The following FAM222B variants were observed in gnomAD, a reference collection of about 807,000 sequenced individuals.
The protein encoded by FAM222B is protein FAM222B.
A neutral mutation model predicts 38.0 loss-of-function variants in FAM222B; 12 were observed. The ratio of observed to expected loss-of-function variants is 0.32; its 90% CI spans 0.20 to 0.51. FAM222B has a LOEUF of 0.51. Among genes scored for constraint, FAM222B ranks in the 20% least tolerant of loss-of-function variants. The pLI, the probability that FAM222B is intolerant of heterozygous loss-of-function variation, is 0.97. For missense variants in FAM222B, 716 were observed against 754.2 expected (o/e 0.95, Z 0.59); for synonymous variants, 329 against 317.2 (o/e 1.04, Z -0.40).
intron 1 of FAM222B, among the ~76,000 whole-genome samples, chr17:28,811,059 C>CA (rs61081382): frequency 2.9e-4 from 43 of 147,768 alleles, no homozygotes; most frequent in South Asian, 1.1e-3. Context: ...AAAGTGTTGC[C>CA]AAAAAAAAAA....
chr17:28,837,440 AAAAT>A (rs890544799), intron 1 of FAM222B, among the ~76,000 whole-genome samples: 4 of 150,996 alleles, frequency 2.6e-5, no homozygotes. Context: ...AAAAAAAAAA[AAAAT>A]AAATAAATAA....
intron 1 of FAM222B, among the ~76,000 whole-genome samples, chr17:28,832,005 C>T (rs1032538228): frequency 6.6e-6 from 1 of 151,958 alleles, no homozygotes; most frequent in Non-Finnish European, 1.5e-5. Context: ...CTGGCTAACA[C>T]GGTGAAACCC....
chr17:28,845,993 G>A (rs953607201), upstream of FAM222B, among the ~76,000 whole-genome samples: 9 of 150,682 alleles, frequency 6.0e-5, no homozygotes, highest in African/African-American at 1.7e-4. Context: ...CACGAGGTCA[G>A]GAGATCGAGA....
intron 1 of FAM222B, among the ~76,000 whole-genome samples, chr17:28,820,244 C>T (rs1362809904): frequency 1.3e-5 from 2 of 152,168 alleles, no homozygotes; most frequent in Non-Finnish European, 2.9e-5. Context: ...GTTAATGTCA[C>T]TTAAAAGGCT....
chr17:28,844,783 G>A (rs747768619), upstream of FAM222B, among the ~76,000 whole-genome samples: 4 of 152,036 alleles, frequency 2.6e-5, no homozygotes, highest in Admixed American at 2.6e-4. Context: ...GGGCAACATA[G>A]GGAGACTCAT....
intron 1 of FAM222B, among the ~76,000 whole-genome samples, chr17:28,792,354 G>C (rs950528915): frequency 6.7e-6 from 1 of 150,156 alleles, no homozygotes; most frequent in Non-Finnish European, 1.5e-5. Flanking sequence ...GGTGGTGTGT[G>C]CCTGCAGTCC....
chr17:28,805,021 G>A (rs2037414479), intron 1 of FAM222B, among the ~76,000 whole-genome samples: 2 of 151,508 alleles, frequency 1.3e-5, no homozygotes, highest in South Asian at 4.2e-4. Flanking sequence ...ACTCTGGTCT[G>A]GGCGACAGAG....
At chr17:28,833,634 A>T (rs1015129660) in intron 1 of FAM222B, among the ~76,000 whole-genome samples, 1 of 147,288 alleles carries the variant, frequency 6.8e-6, no homozygotes, top group Non-Finnish European at 1.5e-5. Flanking sequence ...AAAAAAAAAG[A>T]AGTTCACAGA....
chr17:28,780,901 A>G (rs1282311517), intron 1 of FAM222B, among the ~76,000 whole-genome samples: 2 of 152,022 alleles, frequency 1.3e-5, no homozygotes, highest in African/African-American at 4.8e-5. Context: ...AACCCAAAGA[A>G]ACAAAAACAG....
At chr17:28,841,181 G>C (rs2039024882) in intron 1 of FAM222B, among the ~76,000 whole-genome samples, 1 of 151,688 alleles carries the variant, frequency 6.6e-6, no homozygotes, top group South Asian at 2.1e-4. Flanking sequence ...TGTAATCCCA[G>C]CTACTCAGGA....
upstream of FAM222B, among the ~76,000 whole-genome samples, chr17:28,847,526 G>A (rs773437046): frequency 6.6e-6 from 1 of 151,310 alleles, no homozygotes; most frequent in African/African-American, 2.4e-5. Context: ...TCTGGGAAGT[G>A]GAGGTTGCAG....
Position 28,756,364 on chromosome 17 carries a change from T to G in FAM222B, c.*1906A>C, listed in dbSNP as rs1350764649. On this transcript the variant is annotated 3_prime_UTR_variant, in exon 3 of 3. Transcript: ENST00000581407. ...ACACAGGAAGAGATGGGTTTGAGGT[T>G]GTTTGACTTAAAGCCCCCAAGTTGG... is the stretch of plus-strand genomic sequence containing the variant. 1.3e-5 allele frequency: 2 copies of G among 152,498 alleles called. No homozygotes were observed. The highest frequency in any genetic ancestry group is 2.9e-5 in the Non-Finnish European group (2 of 68,060). The allele number at this position is 152,498 out of a possible 1,614,324, so 9.4% of individuals were successfully genotyped here. A position where few individuals can be genotyped will look rare whatever the true frequency, so the allele number is the denominator to read the frequency against.
At chr17:28,765,370 C>T in intron 2 of FAM222B, among the ~76,000 whole-genome samples, 1 of 152,154 alleles carries the variant, frequency 6.6e-6, no homozygotes, top group Non-Finnish European at 1.5e-5. Flanking sequence ...TCTGTGGCTG[C>T]CGTTGCCCTA....
chr17:28,806,053 G>A (rs1489301479), intron 1 of FAM222B, among the ~76,000 whole-genome samples: 2 of 152,008 alleles, frequency 1.3e-5, no homozygotes, highest in African/African-American at 2.4e-5. Flanking sequence ...TTGGGAGGCT[G>A]AGACAGGAGA....
intron 1 of FAM222B, among the ~76,000 whole-genome samples, chr17:28,824,717 A>T (rs550920977): frequency 1.3e-5 from 2 of 152,146 alleles, no homozygotes; most frequent in African/African-American, 2.4e-5. Flanking sequence ...CCAAGTTACC[A>T]TAAAGTCTCA....
At chr17:28,842,295 C>A (rs1221939711) in intron 1 of FAM222B, among the ~76,000 whole-genome samples, 1 of 152,112 alleles carries the variant, frequency 6.6e-6, no homozygotes, top group Non-Finnish European at 1.5e-5. Flanking sequence ...GCCTATTACT[C>A]CGGGAGACCG....
upstream of FAM222B, among the ~76,000 whole-genome samples, chr17:28,846,949 C>A (rs1480974196): frequency 6.6e-6 from 1 of 151,838 alleles, no homozygotes; most frequent in East Asian, 1.9e-4. Flanking sequence ...TAGCGCTGGG[C>A]GTGGTGGCTG....
rs1306897317 is a variant in FAM222B, at chr17:28,759,741, T to C, written c.218A>G (p.His73Arg). ...PNSVKVPQRK[H>R]VRRTVNGLDT... ...GAGGCCGTTCACAGTACGACGAACG[T>C]GTTTCCGCTGGGGAACCTTCACACT... Residue 73 changes from histidine to arginine, a missense_variant, in exon 3 of 3, where the codon CAC (histidine) becomes CGC (arginine). Transcript: ENST00000581407. This position sits in a 1 kb window ranked among gnomAD's most constrained non-coding sequence, Gnocchi z 4.8. 1.2e-6 allele frequency: 2 copies of C among 1,613,682 alleles called. No homozygotes were observed. Among genetic ancestry groups the C allele is most frequent in the Admixed American group, 1.7e-5 (1 of 59,970 alleles).
At chr17:28,837,016 G>A (rs924753345) in intron 1 of FAM222B, among the ~76,000 whole-genome samples, 2 of 152,142 alleles carry the variant, frequency 1.3e-5, no homozygotes, top group African/African-American at 4.8e-5. Flanking sequence ...TACTCAGGAG[G>A]ATAAGGCAGG....
Sources: gnomAD v4.1 joint callset for allele counts (sites outside exome capture counted in the v4.1 genomes callset) on GRCh38, gnomAD v4.1.1 for gene constraint, Gnocchi (gnomAD v3.1) non-coding constraint, MANE v1.5 for transcripts, NCBI Gene and HGNC (gene_info 2026-07-23, HGNC 2026-07-21) for gene names.